Variants in RARB observed in about 807,000 individuals in gnomAD.
RARB encodes HBV-activated protein.
Under a neutral mutation model 51.9 loss-of-function variants are expected in RARB, and 17 were observed. That is an observed-to-expected ratio of 0.33 (90% CI 0.22 to 0.49). RARB has a LOEUF of 0.49. RARB is among the 20% of genes least tolerant of loss of function. RARB has a pLI of 0.99. For synonymous variants in RARB, 215 were observed against 195.4 expected (o/e 1.10, Z -0.84); for missense variants, 369 against 550.8 (o/e 0.67, Z 3.30).
chr3:24,958,331 TACTCAA>T (rs1296055981), intron 2 of RARB, among the ~76,000 whole-genome samples: 1 of 146,600 alleles, frequency 6.8e-6, no homozygotes, highest in African/African-American at 2.5e-5. Context: ...ACTAATAGTT[TACTCAA>T]AACTCATTCT....
At chr3:24,947,582 G>A (rs1266246001) in intron 2 of RARB, among the ~76,000 whole-genome samples, 1 of 152,138 alleles carries the variant, frequency 6.6e-6, no homozygotes, top group Admixed American at 6.5e-5. Flanking sequence ...ATACATTTTT[G>A]CAGCTGCAAG....
chr3:25,146,286 T>C (rs1700187931), intron 4 of RARB, among the ~76,000 whole-genome samples: 1 of 152,162 alleles, frequency 6.6e-6, no homozygotes, highest in Non-Finnish European at 1.5e-5. Context: ...TGGTAAACTT[T>C]TCCTAGAATG....
intron 3 of RARB, among the ~76,000 whole-genome samples, chr3:25,100,766 C>T (rs552600104): frequency 6.6e-6 from 1 of 152,114 alleles, no homozygotes; most frequent in Non-Finnish European, 1.5e-5. Context: ...CATAGCCACT[C>T]GGTCACGTGT....
intron 2 of RARB, among the ~76,000 whole-genome samples, chr3:25,471,372 C>T (rs1219638927): frequency 2.6e-5 from 4 of 152,214 alleles, no homozygotes. Flanking sequence ...GAGAATCTAC[C>T]TCCATATCGA....
chr3:25,202,291 C>T (rs559755755), intron 5 of RARB, among the ~76,000 whole-genome samples: 21 of 152,126 alleles, frequency 1.4e-4, no homozygotes, highest in African/African-American at 5.1e-4. Context: ...TCCCCTTTAC[C>T]ATTTTTCATT....
At position 25,146,499 on chromosome 3, in the gene RARB, G is replaced by GTTTTTTTTT. The variant is rs1413825514; in HGVS notation, c.-280+14294_-280+14295insTTTTTTTTT. On this transcript the variant is annotated intron_variant, in intron 4 of 11. Coordinates refer to the RARB transcript ENST00000383772. ...CAGGCTATAATTTGCTAAGTTTTTTGTTTGTTTGTTTGTTTTTTTTTTTTT... is the reference window on the plus strand; with the variant it reads ...CAGGCTATAATTTGCTAAGTTTTTTGTTTTTTTTTTTTGTTTGTTTGTTTTTTTTTTTTT... Among the ~76,000 whole-genome samples, 133 of 104,386 alleles carry GTTTTTTTTT rather than the reference G, an allele frequency of 1.3e-3. 16 individuals are homozygous for GTTTTTTTTT. The highest frequency in any genetic ancestry group is 1.9e-3 in the Non-Finnish European group (95 of 50,180). The allele number at this position is 104,386 out of a possible 152,430, so 68.5% of individuals were successfully genotyped here.
intron 2 of RARB, among the ~76,000 whole-genome samples, chr3:24,953,568 C>T (rs1316177735): frequency 6.6e-6 from 1 of 152,146 alleles, no homozygotes; most frequent in Non-Finnish European, 1.5e-5. Context: ...AAACACCTAC[C>T]TGCAATGGTT....
chr3:25,589,598 C>T (rs1247050489), intron 5 of RARB, among the ~76,000 whole-genome samples: 1 of 152,234 alleles, frequency 6.6e-6, no homozygotes, highest in Non-Finnish European at 1.5e-5. Context: ...CCCACATCAT[C>T]AGATTCTTCC....
chr3:25,434,062 C>T (rs1005924269), intron 1 of RARB, among the ~76,000 whole-genome samples: 2 of 152,134 alleles, frequency 1.3e-5, no homozygotes, highest in Non-Finnish European at 2.9e-5. Flanking sequence ...CTGCCCCCTG[C>T]GCGATAAGGC....
chr3:25,198,213 A>G (rs1701295535), intron 5 of RARB, among the ~76,000 whole-genome samples: 1 of 152,016 alleles, frequency 6.6e-6, no homozygotes, highest in African/African-American at 2.4e-5. Flanking sequence ...GGAAAACTGG[A>G]TGTCCACATG....
At chr3:25,467,511 T>C (rs372587501) in intron 2 of RARB, among the ~76,000 whole-genome samples, 2 of 44,364 alleles carry the variant, frequency 4.5e-5, no homozygotes, top group South Asian at 8.8e-4. Context: ...CATACAATCA[T>C]AGCAAGCCAA....
chr3:25,199,690 G>A (rs1322000588), intron 5 of RARB, among the ~76,000 whole-genome samples: 1 of 152,154 alleles, frequency 6.6e-6, no homozygotes, highest in Non-Finnish European at 1.5e-5. Context: ...GTGAGAACAT[G>A]CAGTGTTTGG....
intron 3 of RARB, among the ~76,000 whole-genome samples, chr3:25,065,372 A>G (rs1698641012): frequency 6.6e-6 from 1 of 152,206 alleles, no homozygotes; most frequent in Non-Finnish European, 1.5e-5. Flanking sequence ...TAGACATTGC[A>G]TTTAAAAATC....
chr3:25,058,634 G>A (rs752519975), intron 2 of RARB, among the ~76,000 whole-genome samples: 8 of 151,374 alleles, frequency 5.3e-5, no homozygotes, highest in Non-Finnish European at 8.9e-5. Context: ...AGAATAAGAG[G>A]GGCATGAGTG....
chr3:25,226,491 T>C (rs1702059393), intron 5 of RARB, among the ~76,000 whole-genome samples: 1 of 152,186 alleles, frequency 6.6e-6, no homozygotes, highest in South Asian at 2.1e-4. Context: ...TTTGTTGAGC[T>C]TTCTACACAC....
At chr3:25,485,835 G>A (rs1225909586) in intron 2 of RARB, among the ~76,000 whole-genome samples, 2 of 152,138 alleles carry the variant, frequency 1.3e-5, no homozygotes, top group Non-Finnish European at 1.5e-5. Flanking sequence ...CCTCTCACAC[G>A]TTGGCTTGAG....
intron 2 of RARB, among the ~76,000 whole-genome samples, chr3:24,914,408 A>G (rs772205779): frequency 6.6e-6 from 1 of 152,122 alleles, no homozygotes; most frequent in Non-Finnish European, 1.5e-5. Context: ...CCTCTCAGAT[A>G]GGCCTTATCC....
Position 25,300,765 on chromosome 3 carries a change from G to A in RARB, c.178+126190G>A, listed in dbSNP as rs377145389. The stretch of plus-strand genomic sequence containing the variant: ...AGCACTTTGGGAGGCCGAGGCGGGC[G>A]GATTGCCTGAGCTCAGGAGTTTGCG... On this transcript the variant is annotated intron_variant, in intron 5 of 11. Transcript: ENST00000383772. Among the ~76,000 whole-genome samples the A allele has an allele frequency of 5.2e-4, 79 of 152,168 alleles. No homozygotes were observed. In the South Asian group the frequency reaches 0.014, roughly 27 times the overall value.
intron 5 of RARB, among the ~76,000 whole-genome samples, chr3:25,391,193 A>T (rs1706944602): frequency 6.6e-6 from 1 of 152,134 alleles, no homozygotes; most frequent in Non-Finnish European, 1.5e-5. Context: ...AATGGTCTCA[A>T]ACTCCATCCA....
Sources: allele counts gnomAD v4.1 joint callset (sites outside exome capture counted in the v4.1 genomes callset), GRCh38; gene constraint gnomAD v4.1.1; transcripts MANE v1.5; gene names NCBI Gene and HGNC (gene_info 2026-07-23, HGNC 2026-07-21).